Variants in DOK5 observed in about 807,000 individuals in gnomAD.
DOK5 encodes docking protein 5.
A neutral mutation model predicts 43.3 loss-of-function variants in DOK5; 27 were observed. The ratio of observed to expected loss-of-function variants is 0.62; its 90% CI spans 0.46 to 0.86. The LOEUF (loss-of-function observed/expected upper bound fraction) is 0.86, where lower values mean the gene tolerates loss of function less well. Ranked by LOEUF, DOK5 falls within the 40% of genes least tolerant of loss-of-function variation. The pLI, the probability that DOK5 is intolerant of heterozygous loss-of-function variation, is 0.00. For synonymous variants in DOK5, 146 were observed against 140.1 expected (o/e 1.04, Z -0.30); for missense variants, 373 against 392.9 (o/e 0.95, Z 0.43).
At chr20:54,598,025 G>A (rs1461279488) in intron 5 of DOK5, among the ~76,000 whole-genome samples, 1 of 152,098 alleles carries the variant, frequency 6.6e-6, no homozygotes, top group African/African-American at 2.4e-5. Flanking sequence ...TTCTTAGTTT[G>A]ACTTGACTTT....
chr20:54,502,839 A>G lies in DOK5; in HGVS notation c.66+26827A>G, dbSNP rs367601437. Reference sequence around the variant, plus strand: ...TTCTATTAATTTTGAATTCTTGTTGATTATATTTTATCATTATTATAAATA... The same window carrying G: ...TTCTATTAATTTTGAATTCTTGTTGGTTATATTTTATCATTATTATAAATA... On this transcript the variant is annotated intron_variant, in intron 1 of 7. Transcript: ENST00000262593. 8.5e-5 allele frequency among the ~76,000 whole-genome samples: 13 copies of G among 152,206 alleles called. 1 individual carries two copies. Among genetic ancestry groups the G allele is most frequent in the Middle Eastern group, 6.8e-3 (2 of 294 alleles).
chr20:54,637,919 A>G (rs779954784), intron 6 of DOK5, among the ~76,000 whole-genome samples: 113 of 152,270 alleles, frequency 7.4e-4, no homozygotes, highest in Middle Eastern at 3.4e-3. Flanking sequence ...TCAGGAGATC[A>G]AGACCATCGT....
chr20:54,606,811 G>T (rs1986483933), intron 5 of DOK5, among the ~76,000 whole-genome samples: 1 of 152,106 alleles, frequency 6.6e-6, no homozygotes, highest in Non-Finnish European at 1.5e-5. Context: ...CATCTTCATG[G>T]GTCAGGCTGT....
intron 1 of DOK5, among the ~76,000 whole-genome samples, chr20:54,520,540 A>T (rs1417063109): frequency 6.6e-6 from 1 of 152,066 alleles, no homozygotes; most frequent in Non-Finnish European, 1.5e-5. Context: ...GCACTTTGGG[A>T]GGTGAAGGCA....
At chr20:54,640,281 G>A (rs879554744) in intron 6 of DOK5, among the ~76,000 whole-genome samples, 9 of 152,310 alleles carry the variant, frequency 5.9e-5, no homozygotes, top group Non-Finnish European at 8.8e-5. Context: ...GACCTGCGGC[G>A]CTCCAGGTAA....
intron 7 of DOK5, 89 bp from the exon 8 acceptor site, chr20:54,650,326 T>C (rs753550649): frequency 2.3e-6 from 3 of 1,316,382 alleles, no homozygotes; most frequent in Non-Finnish European, 3.2e-6. Flanking sequence ...CATTTACTTA[T>C]TTCTGTTATA....
chr20:54,503,732 T>C (rs1267595842), intron 1 of DOK5, among the ~76,000 whole-genome samples: 1 of 151,888 alleles, frequency 6.6e-6, no homozygotes, highest in Admixed American at 6.5e-5. Flanking sequence ...GGTTTGGGGA[T>C]TTTGGGGATT....
intron 5 of DOK5, among the ~76,000 whole-genome samples, chr20:54,592,916 A>C (rs536047901): frequency 5.3e-4 from 80 of 152,260 alleles, no homozygotes; most frequent in African/African-American, 1.9e-3. Context: ...ATTACACTCA[A>C]ATTGAAAACC....
intron 1 of DOK5, among the ~76,000 whole-genome samples, chr20:54,478,150 C>G (rs1981510470): frequency 6.6e-6 from 1 of 152,166 alleles, no homozygotes. Flanking sequence ...TAAATCTGGT[C>G]TTATTTGTTA....
intron 7 of DOK5, among the ~76,000 whole-genome samples, chr20:54,646,246 C>CTGTTTTT (rs1568828096): frequency 7.1e-4 from 57 of 80,670 alleles, no homozygotes; most frequent in African/African-American, 2.6e-3. Flanking sequence ...ACTGGTTATA[C>CTGTTTTT]TGTTTTTTTT....
At chr20:54,553,774 G>A (rs939028022) in intron 1 of DOK5, among the ~76,000 whole-genome samples, 1 of 151,036 alleles carries the variant, frequency 6.6e-6, no homozygotes, top group South Asian at 2.1e-4. Flanking sequence ...GTGCTTGCCT[G>A]TAATTCCAGC....
In DOK5 at chr20:54,488,551, T is replaced by C. The variant is rs1982032638; in HGVS notation, c.66+12539T>C. ...TCTGTTTCTATATACATTTTTTTCT[T>C]GTTTGTTTTTCTTCTGTAAGAGAGG... On this transcript the variant is annotated intron_variant, in intron 1 of 7. Transcript: ENST00000262593. Among the ~76,000 whole-genome samples, 4 of 152,190 alleles carry C rather than the reference T, an allele frequency of 2.6e-5. 1 individual carries two copies. In the South Asian group the frequency reaches 8.3e-4, roughly 31 times the overall value.
chr20:54,497,493 C>A lies in DOK5; in HGVS notation c.66+21481C>A, dbSNP rs543474811. ...GGAGGAGTGGAAGGTTAAAAGGTGG[C>A]ATAATCTATTATAAGATTAAAAACA... On this transcript the variant is annotated intron_variant, in intron 1 of 7. Coordinates refer to ENST00000262593, the MANE Select transcript of DOK5 (RefSeq NM_018431.5). Among the ~76,000 whole-genome samples, 3 of 152,272 alleles carry A rather than the reference C, an allele frequency of 2.0e-5. No homozygotes were observed. The South Asian group carries it at 6.2e-4, about 32-fold the overall frequency.
chr20:54,557,280 T>C (rs1027250645), intron 2 of DOK5, among the ~76,000 whole-genome samples: 1 of 152,028 alleles, frequency 6.6e-6, no homozygotes, highest in Non-Finnish European at 1.5e-5. Flanking sequence ...ACAGACGGGG[T>C]TGGGGGCAGG....
intron 1 of DOK5, 112 bp from the exon 2 acceptor site, chr20:54,554,821 T>C: frequency 4.4e-6 from 3 of 682,838 alleles, no homozygotes; most frequent in Non-Finnish European, 7.6e-6. Context: ...CAAAGCAACA[T>C]CACATTTCTG....
chr20:54,592,703 G>A (rs561624495), intron 5 of DOK5, among the ~76,000 whole-genome samples: 3 of 151,954 alleles, frequency 2.0e-5, no homozygotes, highest in East Asian at 3.9e-4. Context: ...ACCACGCCTC[G>A]CTAATTTTTT....
chr20:54,579,147 C>G (rs1985549890), intron 2 of DOK5, among the ~76,000 whole-genome samples: 1 of 152,078 alleles, frequency 6.6e-6, no homozygotes, highest in Non-Finnish European at 1.5e-5. Flanking sequence ...ATCATCTTTA[C>G]TCTTACGAAT....
chr20:54,630,786 T>C (rs572450817), intron 6 of DOK5, among the ~76,000 whole-genome samples: 4 of 152,350 alleles, frequency 2.6e-5, no homozygotes, highest in African/African-American at 9.6e-5. Context: ...CTCATCTACT[T>C]TTTTGATATA....
Position 54,475,983 on chromosome 20 carries a change from T to C in DOK5, c.37T>C (p.Tyr13His), listed in dbSNP as rs1600644376. ...SNFNDIVKQG[Y>H]VRIRSRRLGI... The stretch of plus-strand genomic sequence containing the variant: ...TTTTAATGACATAGTGAAGCAAGGG[T>C]ACGTGAGGATCCGGAGCAGACGCCT... Residue 13 changes from tyrosine (Y) to histidine (H), a missense_variant, in exon 1 of 8, where the codon TAC becomes CAC. Physicochemically the swap from Tyr to His is moderately conservative, Grantham distance 83. Transcript: ENST00000262593. The surrounding 1 kb of genome is among the most constrained non-coding windows in gnomAD (Gnocchi z 4.2). 1.2e-6 allele frequency: 2 copies of C among 1,613,336 alleles called. No homozygotes were observed. The highest frequency in any genetic ancestry group is 1.7e-6 in the Non-Finnish European group (2 of 1,179,908).
Sources: gnomAD v4.1 joint callset for allele counts (sites outside exome capture counted in the v4.1 genomes callset) on GRCh38, gnomAD v4.1.1 for gene constraint, Gnocchi (gnomAD v3.1) non-coding constraint, MANE v1.5 for transcripts, NCBI Gene and HGNC (gene_info 2026-07-23, HGNC 2026-07-21) for gene names.